The following ABL2 variants were observed in gnomAD, a reference collection of about 807,000 sequenced individuals.
The protein encoded by ABL2 is ABL proto-oncogene 2, non-receptor tyrosine kinase.
Under a neutral mutation model 107.7 loss-of-function variants are expected in ABL2, and 49 were observed. That is an observed-to-expected ratio of 0.45 (90% CI 0.36 to 0.58). The LOEUF (loss-of-function observed/expected upper bound fraction) is 0.58. Among genes scored for constraint, ABL2 ranks in the 20% least tolerant of loss-of-function variants. The pLI, the probability that ABL2 is intolerant of heterozygous loss-of-function variation, is 0.00. For synonymous variants in ABL2, 549 were observed against 548.6 expected, an observed-to-expected ratio of 1.00 and a Z score of -0.01; for missense variants, 1,245 against 1,457.0, an observed-to-expected ratio of 0.85 and a Z score of 2.37.
chr1:179,109,747 T>C (rs188999010), intron 11 of ABL2, among the ~76,000 whole-genome samples: 2 of 152,040 alleles, frequency 1.3e-5, no homozygotes, highest in Non-Finnish European at 2.9e-5. Flanking sequence ...GCTAACACGA[T>C]GAAACCCCAT....
At chr1:179,166,986 C>T (rs554845725) in intron 1 of ABL2, among the ~76,000 whole-genome samples, 1 of 152,166 alleles carries the variant, frequency 6.6e-6, no homozygotes, top group South Asian at 2.1e-4. Context: ...CTATGAAAAA[C>T]AGTTGGAGAT....
rs72709466 is a variant in ABL2 at position 179,157,615 on chromosome 1, A to G, written c.158-24241T>C. Among the ~76,000 whole-genome samples the G allele has an allele frequency of 6.4e-3, 977 of 152,232 alleles. 5 individuals carry two copies. Among genetic ancestry groups the G allele is most frequent in the Non-Finnish European group, 0.01 (686 of 68,002 alleles). ...TCAAATAAGGGATACTTAGCCTGTA[A>G]TGTCTTTCTAGTGCACTAGTCCATT... On this transcript the variant is annotated intron_variant, in intron 1 of 11. Coordinates refer to ENST00000502732, the MANE Select transcript of ABL2 (RefSeq NM_007314.4).
intron 1 of ABL2, among the ~76,000 whole-genome samples, chr1:179,149,712 T>G (rs1388887369): frequency 6.6e-6 from 1 of 152,230 alleles, no homozygotes; most frequent in African/African-American, 2.4e-5. Flanking sequence ...CAACAAAGCC[T>G]GAATAAGAGC....
chr1:179,210,306 G>C (rs1195032545), intron 1 of ABL2, among the ~76,000 whole-genome samples: 2 of 152,108 alleles, frequency 1.3e-5, no homozygotes, highest in Non-Finnish European at 2.9e-5. Flanking sequence ...AGGAATTTGA[G>C]ACCATCCTGG....
intron 10 of ABL2, chr1:179,110,980 C>G: frequency 3.3e-6 from 2 of 598,668 alleles, no homozygotes; most frequent in Non-Finnish European, 5.1e-6. Context: ...TTATTTTTGG[C>G]TTTTTTTTTT....
intron 1 of ABL2, among the ~76,000 whole-genome samples, chr1:179,213,006 A>G (rs1189833441): frequency 6.7e-6 from 1 of 148,282 alleles, no homozygotes; most frequent in Non-Finnish European, 1.5e-5. Flanking sequence ...AGATCACACC[A>G]TTGCAATCCA....
At chr1:179,157,459 T>C (rs1446589125) in intron 1 of ABL2, among the ~76,000 whole-genome samples, 11 of 151,590 alleles carry the variant, frequency 7.3e-5, no homozygotes, top group Non-Finnish European at 1.3e-4. Flanking sequence ...ATCATGCCAC[T>C]GTACTCCAGA....
chr1:179,193,424 GAC>G (rs1280433188), intron 1 of ABL2, among the ~76,000 whole-genome samples: 2 of 151,406 alleles, frequency 1.3e-5, no homozygotes, highest in Non-Finnish European at 2.9e-5. Context: ...TCTTTTTTGA[GAC>G]AGAGTCTCAT....
intron 8 of ABL2, among the ~76,000 whole-genome samples, chr1:179,116,298 C>T (rs372190011): frequency 2.0e-5 from 3 of 151,958 alleles, no homozygotes; most frequent in African/African-American, 4.8e-5. Flanking sequence ...CGCTTGAACC[C>T]GGGAGATGGG....
intron 1 of ABL2, among the ~76,000 whole-genome samples, chr1:179,198,089 CCT>C (rs1181131091): frequency 6.6e-5 from 10 of 150,822 alleles, no homozygotes; most frequent in East Asian, 2.0e-4. Context: ...GCGACGGTCC[CCT>C]GAGCCTGAGG....
Position 179,114,971 on chromosome 1 carries a change from C to T in ABL2, c.1468G>A (p.Asp490Asn). The change falls in exon 9 of 12, where the codon GAC becomes AAC. Residue 490 changes from aspartate to asparagine, a missense_variant. By Grantham distance (23) the Asp-to-Asn change is conservative. Transcript: ENST00000502732. Reference protein sequence around the residue: ...TYGMSPYPGIDLSQVYDLLEK... With the variant: ...TYGMSPYPGINLSQVYDLLEK... Reference sequence around the variant, plus strand: ...AGTAGGTCATAGACCTGAGACAGGTCAATACCTGGATATGGTGACATTCCA... The same window carrying T: ...AGTAGGTCATAGACCTGAGACAGGTTAATACCTGGATATGGTGACATTCCA... 1 of 1,611,116 alleles carries T rather than the reference C, an allele frequency of 6.2e-7. No individual in the cohort carries two copies. The highest frequency in any genetic ancestry group is 1.1e-5 in the South Asian group (1 of 90,178).
Position 179,107,507 on chromosome 1 carries a change from C to T in ABL2, c.*211G>A, listed in dbSNP as rs1034666625. The T allele has an allele frequency of 1.1e-6, 1 of 922,436 alleles. No individual in the cohort carries two copies. Among genetic ancestry groups the T allele is most frequent in the African/African-American group, 1.7e-5 (1 of 60,088 alleles). 57.1% of individuals were successfully genotyped at this position (922,436 alleles called of 1,614,324 possible). A position where few individuals can be genotyped will look rare whatever the true frequency, so the allele number is the denominator to read the frequency against. ...CCAACCCTGTCCACTACTGCCTTGC[C>T]CCCACTTAATTTACCTCTCCTATAC... On this transcript the variant is annotated 3_prime_UTR_variant, in exon 12 of 12. Coordinates refer to ENST00000502732, the MANE Select transcript of ABL2 (RefSeq NM_007314.4).
intron 4 of ABL2, among the ~76,000 whole-genome samples, chr1:179,125,281 T>TG (rs1392489169): frequency 6.6e-6 from 1 of 152,234 alleles, no homozygotes; most frequent in Non-Finnish European, 1.5e-5. Context: ...CTGGTGGTGG[T>TG]GTGTGTAGCA....
At chr1:179,164,991 T>C (rs1156298576) in intron 1 of ABL2, among the ~76,000 whole-genome samples, 1 of 152,188 alleles carries the variant, frequency 6.6e-6, no homozygotes, top group Non-Finnish European at 1.5e-5. Context: ...ATAAATATAA[T>C]AATTACAATT....
chr1:179,109,875 C>A (rs1653865881), intron 11 of ABL2, among the ~76,000 whole-genome samples: 1 of 150,930 alleles, frequency 6.6e-6, no homozygotes, highest in Non-Finnish European at 1.5e-5. Flanking sequence ...TTGCAGTGAG[C>A]CGAGATCGCA....
intron 1 of ABL2, among the ~76,000 whole-genome samples, chr1:179,169,155 C>G (rs577445601): frequency 1.3e-5 from 2 of 152,186 alleles, no homozygotes; most frequent in South Asian, 4.1e-4. Flanking sequence ...AATGAAATAT[C>G]AGTGTAACAC....
Position 179,118,599 on chromosome 1 carries a change from T to C in ABL2, c.1211A>G (p.Asn404Ser). Residue 404 changes from asparagine (N) to serine (S), a missense_variant, in exon 7 of 12, where the codon AAT becomes AGT. Asn to Ser is a conservative substitution (Grantham distance 46). Around this residue, in one of 3 missense-constraint regions of ABL2, gnomAD observed 320 missense variants for 547.0 expected, o/e 0.59. Transcript: ENST00000502732. ...AAGTTTTACACACCTATGGATGAAATTCTTCTTCTCTAAGTACTCCATTGC... is the reference window on the plus strand; with the variant it reads ...AAGTTTTACACACCTATGGATGAAACTCTTCTTCTCTAAGTACTCCATTGC... ...SSAMEYLEKKNFIHRDLAARN... is the reference protein window; with the variant it reads ...SSAMEYLEKKSFIHRDLAARN... 6.2e-7 allele frequency: 1 copy of C among 1,613,572 alleles called. No homozygotes were observed. Among genetic ancestry groups the C allele is most frequent in the Non-Finnish European group, 8.5e-7 (1 of 1,179,688 alleles).
intron 2 of ABL2, 86 bp from the exon 3 acceptor site, chr1:179,131,567 G>A: frequency 7.2e-7 from 1 of 1,389,556 alleles, no homozygotes; most frequent in African/African-American, 1.4e-5. Context: ...CAGTATTTCA[G>A]CTGCTGGCTC....
rs1011509778 is a variant in ABL2 at position 179,104,875 on chromosome 1, C to T, written c.*2843G>A. The T allele has an allele frequency of 1.4e-5, 3 of 219,916 alleles. No individual in the cohort carries two copies. The highest frequency in any genetic ancestry group is 1.8e-4 in the South Asian group (1 of 5,418). 13.6% of individuals were successfully genotyped at this position (219,916 alleles called of 1,614,324 possible). On this transcript the variant is annotated 3_prime_UTR_variant, in exon 12 of 12. Transcript: ENST00000502732. The stretch of plus-strand genomic sequence containing the variant: ...TTTTAGAATAGTTAAAATTAAACTA[C>T]ACTTTTCCAGAAGCAGTTCTCTCTG...
Sources: allele counts gnomAD v4.1 joint callset (sites outside exome capture counted in the v4.1 genomes callset), GRCh38; gene constraint gnomAD v4.1.1; regional missense constraint gnomAD v4.1.1; transcripts MANE v1.5; gene names NCBI Gene and HGNC (gene_info 2026-07-23, HGNC 2026-07-21).